Variants in KPNA3 observed in about 807,000 individuals in gnomAD.
KPNA3 encodes the protein importin subunit alpha-4.
Under a neutral mutation model 73.8 loss-of-function variants are expected in KPNA3, and 13 were observed. That is an observed-to-expected ratio of 0.18 (90% CI 0.11 to 0.28). The LOEUF (loss-of-function observed/expected upper bound fraction) is 0.28, where lower values mean the gene tolerates loss of function less well. Among genes scored for constraint, KPNA3 ranks in the 10% least tolerant of loss-of-function variants. The probability of loss-of-function intolerance (pLI) is 1.00; values close to 1 mark genes in which losing one functional copy is unlikely to be tolerated. For missense variants in KPNA3, 360 were observed against 618.1 expected, an observed-to-expected ratio of 0.58 and a Z score of 4.43; for synonymous variants, 186 against 206.9, an observed-to-expected ratio of 0.90 and a Z score of 0.87.
Position 49,722,557 on chromosome 13 carries a change from A to G in KPNA3, c.476T>C (p.Val159Ala). The G allele has an allele frequency of 6.2e-7, 1 of 1,602,186 alleles. No individual in the cohort carries two copies. The highest frequency in any genetic ancestry group is 8.5e-7 in the Non-Finnish European group (1 of 1,171,358). ...QTQAVVQSNA[V>A]PLFLRLLRSP... is the part of the protein sequence containing the mutation. ...ACGAAGAAGTCTCAGAAAAAGAGGT[A>G]CTGCATCTGTAATAAAGAAAAACTA... The change falls in exon 8 of 17, where the codon GTA (valine) becomes GCA (alanine). Residue 159 changes from valine (V) to alanine (A), a missense_variant. Val to Ala is a moderately conservative substitution (Grantham distance 64). This residue lies in a region of KPNA3 where 287 missense variants were observed against 549.1 expected (regional missense o/e 0.52). Coordinates refer to ENST00000261667, the MANE Select transcript of KPNA3 (RefSeq NM_002267.4).
chr13:49,776,929 T>C (rs893277515), intron 1 of KPNA3, among the ~76,000 whole-genome samples: 34 of 152,226 alleles, frequency 2.2e-4, no homozygotes, highest in Admixed American at 1.4e-3. Context: ...ACTAACTGTA[T>C]AGTCCATTGC....
intron 2 of KPNA3, among the ~76,000 whole-genome samples, chr13:49,741,297 G>A (rs1472810106): frequency 6.6e-6 from 1 of 152,004 alleles, no homozygotes; most frequent in African/African-American, 2.4e-5. Context: ...ACCAACATGC[G>A]TTATCTTTCA....
intron 1 of KPNA3, among the ~76,000 whole-genome samples, chr13:49,784,307 C>A (rs531349702): frequency 6.6e-6 from 1 of 152,134 alleles, no homozygotes; most frequent in African/African-American, 2.4e-5. Context: ...ATAAGAGGAA[C>A]CAGTTAAGCA....
At chr13:49,758,747 TAA>T (rs1179994431) in intron 1 of KPNA3, among the ~76,000 whole-genome samples, 3 of 77,740 alleles carry the variant, frequency 3.9e-5, no homozygotes, top group Non-Finnish European at 1.2e-4. Context: ...TGTATACATA[TAA>T]ATATACACAC....
At chr13:49,780,058 C>T (rs757871815) in intron 1 of KPNA3, among the ~76,000 whole-genome samples, 13 of 152,144 alleles carry the variant, frequency 8.5e-5, no homozygotes, top group Non-Finnish European at 1.6e-4. Flanking sequence ...TCCTCCCCTG[C>T]TCCTCTTTCC....
chr13:49,730,759 T>G (rs1594440146), intron 6 of KPNA3, among the ~76,000 whole-genome samples: 1 of 86,792 alleles, frequency 1.2e-5, no homozygotes, highest in Non-Finnish European at 2.1e-5. Context: ...CCTAATGCTA[T>G]CCCTCCCCCC....
chr13:49,775,367 A>G (rs1401160102), intron 1 of KPNA3, among the ~76,000 whole-genome samples: 1 of 151,920 alleles, frequency 6.6e-6, no homozygotes, highest in East Asian at 1.9e-4. Flanking sequence ...ACAAGGCTAC[A>G]TAGGCTCCAC....
chr13:49,761,511 G>A (rs984527796), intron 1 of KPNA3, among the ~76,000 whole-genome samples: 4 of 152,284 alleles, frequency 2.6e-5, no homozygotes, highest in African/African-American at 9.6e-5. Flanking sequence ...GAGGTGCCAG[G>A]ATTGCAGACG....
intron 1 of KPNA3, among the ~76,000 whole-genome samples, chr13:49,755,825 T>C (rs1341384551): frequency 6.6e-6 from 1 of 152,130 alleles, no homozygotes; most frequent in East Asian, 1.9e-4. Flanking sequence ...CAATCAATTA[T>C]TTGCAGAAAA....
At chr13:49,749,165 G>A (rs1954641968) in intron 1 of KPNA3, among the ~76,000 whole-genome samples, 1 of 152,180 alleles carries the variant, frequency 6.6e-6, no homozygotes, top group South Asian at 2.1e-4. Context: ...TTCACACTAA[G>A]ATATTTCTGT....
At chr13:49,781,827 T>A (rs1391188765) in intron 1 of KPNA3, among the ~76,000 whole-genome samples, 1 of 152,204 alleles carries the variant, frequency 6.6e-6, no homozygotes. Context: ...TAGAGTTATG[T>A]TGCAAACAAC....
intron 12 of KPNA3, among the ~76,000 whole-genome samples, chr13:49,706,981 C>T (rs1168818806): frequency 6.6e-6 from 1 of 152,080 alleles, no homozygotes; most frequent in Non-Finnish European, 1.5e-5. Flanking sequence ...GATCTCCTGA[C>T]CTCGTGATCC....
chr13:49,707,998 C>CTT (rs67141719), intron 12 of KPNA3, among the ~76,000 whole-genome samples: 2 of 121,730 alleles, frequency 1.6e-5, no homozygotes, highest in African/African-American at 2.9e-5. Flanking sequence ...TTCTTTTTTC[C>CTT]TTTTTTTTTT....
chr13:49,705,359 CAAAA>C (rs34997868), intron 15 of KPNA3, among the ~76,000 whole-genome samples: 6 of 117,212 alleles, frequency 5.1e-5, no homozygotes, highest in Non-Finnish European at 3.6e-5. Flanking sequence ...ATTCTGTCTC[CAAAA>C]AAAAAAAAAA....
chr13:49,751,476 G>A (rs1594449987), intron 1 of KPNA3, among the ~76,000 whole-genome samples: 1 of 152,282 alleles, frequency 6.6e-6, no homozygotes, highest in East Asian at 1.9e-4. Flanking sequence ...ATGCAGCCGG[G>A]GGGGTTCTTT....
At chr13:49,752,695 A>G (rs117832366) in intron 1 of KPNA3, among the ~76,000 whole-genome samples, 1 of 152,148 alleles carries the variant, frequency 6.6e-6, no homozygotes, top group Non-Finnish European at 1.5e-5. Flanking sequence ...GAGAAACAGA[A>G]TATGTAAAGA....
chr13:49,753,106 T>C (rs892080454), intron 1 of KPNA3, among the ~76,000 whole-genome samples: 2 of 143,292 alleles, frequency 1.4e-5, no homozygotes, highest in Non-Finnish European at 3.0e-5. Flanking sequence ...TAAATTCATA[T>C]AATAAAGACT....
At chr13:49,787,265 C>A (rs1954990577) in intron 1 of KPNA3, among the ~76,000 whole-genome samples, 1 of 152,066 alleles carries the variant, frequency 6.6e-6, no homozygotes, top group African/African-American at 2.4e-5. Context: ...TGGCTCCTTG[C>A]TGATAAGAAG....
At chr13:49,711,711 A>G in intron 10 of KPNA3, among the ~76,000 whole-genome samples, 1 of 152,200 alleles carries the variant, frequency 6.6e-6, no homozygotes, top group East Asian at 1.9e-4. Context: ...TGGTGTCGTC[A>G]CAGAGGAATA....
Sources: allele counts gnomAD v4.1 joint callset (sites outside exome capture counted in the v4.1 genomes callset), GRCh38; gene constraint gnomAD v4.1.1; regional missense constraint gnomAD v4.1.1; transcripts MANE v1.5; gene names NCBI Gene and HGNC (gene_info 2026-07-23, HGNC 2026-07-21).